The following OCA2 variants were observed in gnomAD, a reference collection of about 807,000 sequenced individuals.
The protein encoded by OCA2 is P protein.
A neutral mutation model predicts 100.2 loss-of-function variants in OCA2; 77 were observed. The ratio of observed to expected loss-of-function variants is 0.77; its 90% confidence interval spans 0.64 to 0.93. The LOEUF (loss-of-function observed/expected upper bound fraction) is 0.93. Ranked by LOEUF, OCA2 falls within the 40% of genes least tolerant of loss-of-function variation. The pLI is 0.00. For synonymous variants in OCA2, 432 were observed against 439.2 expected, an observed-to-expected ratio of 0.98 and a Z score of 0.21; for missense variants, 1,062 against 1,089.1, an observed-to-expected ratio of 0.98 and a Z score of 0.35.
chr15:27,876,536 T>A lies in OCA2; in HGVS notation c.2080-4614A>T, dbSNP rs540469378. 4.6e-5 allele frequency among the ~76,000 whole-genome samples: 7 copies of A among 152,152 alleles called. No homozygotes were observed. The South Asian group carries it at 1.5e-3, about 32-fold the overall frequency. ...GATTGGTATTATTTCTTACTCAATG[T>A]TTGAGAAAATTAAACAGGGAAGCCA... On this transcript the variant is annotated intron_variant, in intron 19 of 23. Coordinates refer to ENST00000354638, the MANE Select transcript of OCA2 (RefSeq NM_000275.3).
At chr15:27,789,843 A>G (rs1566964731) in intron 23 of OCA2, among the ~76,000 whole-genome samples, 1 of 152,220 alleles carries the variant, frequency 6.6e-6, no homozygotes, top group Non-Finnish European at 1.5e-5. Context: ...TAAAAGTAAA[A>G]CTTAGAAAAT....
chr15:27,892,051 G>C (rs557161538), intron 19 of OCA2, among the ~76,000 whole-genome samples: 1 of 152,208 alleles, frequency 6.6e-6, no homozygotes, highest in South Asian at 2.1e-4. Context: ...CCAAACAACA[G>C]AGCAGCAAAA....
At chr15:27,895,243 G>T (rs1409589308) in intron 19 of OCA2, among the ~76,000 whole-genome samples, 1 of 152,186 alleles carries the variant, frequency 6.6e-6, no homozygotes, top group East Asian at 1.9e-4. Context: ...CTAGTCTCTG[G>T]TGTGTCTTTA....
intron 19 of OCA2, among the ~76,000 whole-genome samples, chr15:27,924,134 T>C (rs894911454): frequency 1.3e-5 from 2 of 152,226 alleles, no homozygotes; most frequent in Non-Finnish European, 2.9e-5. Flanking sequence ...CCACTGCTTG[T>C]TTTGGTCAGC....
intron 6 of OCA2, among the ~76,000 whole-genome samples, chr15:28,019,182 G>T (rs997158584): frequency 2.0e-5 from 3 of 151,870 alleles, no homozygotes; most frequent in African/African-American, 7.3e-5. Context: ...GATACAAAAT[G>T]CATCACATGG....
chr15:27,755,441 T>G lies in OCA2; in HGVS notation c.2464A>C (p.Thr822Pro). ...ACAAGGAGATAACACATCCCAACAGTGCAGGACACAACCATCATTGGGAAG... is the reference window on the plus strand; with the variant it reads ...ACAAGGAGATAACACATCCCAACAGGGCAGGACACAACCATCATTGGGAAG... ...LGFPMMVVSC[T>P]VGMCYLLVAH... Residue 822 changes from threonine (T) to proline (P), a missense_variant, in exon 24 of 24, where the codon ACT (threonine) becomes CCT (proline). Physicochemically the swap from Thr to Pro is conservative, Grantham distance 38. Transcript: ENST00000354638. The G allele has an allele frequency of 6.2e-7, 1 of 1,613,990 alleles. No homozygotes were observed. The highest frequency in any genetic ancestry group is 8.5e-7 in the Non-Finnish European group (1 of 1,179,898).
rs116074150 is a variant in OCA2 at position 27,911,237 on chromosome 15, T to C, written c.2079+14890A>G. 6.1e-3 allele frequency among the ~76,000 whole-genome samples: 925 copies of C among 152,064 alleles called. 10 individuals are homozygous for C. The highest frequency in any genetic ancestry group is 0.021 in the African/African-American group (872 of 41,508). On this transcript the variant is annotated intron_variant, in intron 19 of 23. Coordinates refer to ENST00000354638, the MANE Select transcript of OCA2 (RefSeq NM_000275.3). ...AGAAAAGAACAGCCTGCGGGCAACA[T>C]GGCAAAATCCTGTCTCTACAAAAAA...
intron 23 of OCA2, among the ~76,000 whole-genome samples, chr15:27,840,447 G>A: frequency 6.6e-6 from 1 of 152,110 alleles, no homozygotes; most frequent in Non-Finnish European, 1.5e-5. Context: ...GTATTTTTAG[G>A]GTAATTTTAA....
At chr15:27,826,540 C>A (rs188753068) in intron 23 of OCA2, among the ~76,000 whole-genome samples, 3,377 of 152,320 alleles carry the variant, frequency 0.022, 55 homozygotes, top group Admixed American at 0.033. Context: ...CAGCTCCCTG[C>A]ACTGCTGACC....
chr15:28,086,150 G>A (rs1005460236), intron 1 of OCA2, among the ~76,000 whole-genome samples: 8 of 152,252 alleles, frequency 5.3e-5, no homozygotes, highest in African/African-American at 1.7e-4. Flanking sequence ...GGACCACCAT[G>A]TGAGGAGGCT....
chr15:28,037,723 C>T (rs954916540), intron 2 of OCA2, among the ~76,000 whole-genome samples: 12 of 152,162 alleles, frequency 7.9e-5, no homozygotes, highest in African/African-American at 2.7e-4. Context: ...TAATATTATC[C>T]TCATTTTAAA....
intron 16 of OCA2, 67 bp from the exon 17 acceptor site, chr15:27,955,282 A>G (rs2040184199): frequency 8.4e-7 from 1 of 1,187,632 alleles, no homozygotes; most frequent in African/African-American, 1.5e-5. Flanking sequence ...GCGGAGCAGC[A>G]GTCCCCAGCG....
intron 23 of OCA2, among the ~76,000 whole-genome samples, chr15:27,835,871 G>A (rs907230579): frequency 2.6e-5 from 4 of 152,184 alleles, no homozygotes; most frequent in African/African-American, 9.6e-5. Flanking sequence ...CTGAGGTTGT[G>A]GGGCATTGCT....
At chr15:27,779,988 A>G (rs1372744238) in intron 23 of OCA2, among the ~76,000 whole-genome samples, 1 of 152,218 alleles carries the variant, frequency 6.6e-6, no homozygotes, top group African/African-American at 2.4e-5. Flanking sequence ...CTAAGAGGGT[A>G]GATCTCATGT....
At chr15:27,766,242 C>T (rs1254106107) in intron 23 of OCA2, among the ~76,000 whole-genome samples, 2 of 152,184 alleles carry the variant, frequency 1.3e-5, no homozygotes, top group African/African-American at 4.8e-5. Flanking sequence ...TATTATTTGA[C>T]CATATAGTCA....
intron 9 of OCA2, among the ~76,000 whole-genome samples, chr15:28,001,684 C>A (rs2041930877): frequency 6.6e-6 from 1 of 152,198 alleles, no homozygotes; most frequent in African/African-American, 2.4e-5. Context: ...GACTTGGACA[C>A]ATCAGGAAGG....
At chr15:28,034,467 T>G (rs937891627) in intron 2 of OCA2, among the ~76,000 whole-genome samples, 1 of 152,194 alleles carries the variant, frequency 6.6e-6, no homozygotes, top group African/African-American at 2.4e-5. Context: ...CAGTTCAAAG[T>G]AAGTTCTTAA....
At chr15:27,855,621 C>T (rs1007744392) in intron 21 of OCA2, among the ~76,000 whole-genome samples, 3 of 152,242 alleles carry the variant, frequency 2.0e-5, no homozygotes, top group Non-Finnish European at 4.4e-5. Context: ...CCCTCCTCCA[C>T]TGGATGGGAC....
chr15:27,877,591 C>T (rs58349058), intron 19 of OCA2, among the ~76,000 whole-genome samples: 66,303 of 151,658 alleles, frequency 0.44, 16,828 homozygotes, highest in African/African-American at 0.68. Flanking sequence ...ACATTATGTG[C>T]ACTGAAGTTT....
Sources: gnomAD v4.1 joint callset for allele counts (sites outside exome capture counted in the v4.1 genomes callset) on GRCh38, gnomAD v4.1.1 for gene constraint, MANE v1.5 for transcripts, NCBI Gene and HGNC (gene_info 2026-07-23, HGNC 2026-07-21) for gene names.